The following COL4A6 variants were observed in gnomAD, a reference collection of about 807,000 sequenced individuals.
The protein encoded by COL4A6 is collagen alpha-6(IV) chain.
In COL4A6, 59 loss-of-function variants were observed where a neutral mutation model predicts 126.7. That is an observed-to-expected ratio of 0.47 (90% confidence interval 0.38 to 0.58). The LOEUF (loss-of-function observed/expected upper bound fraction) is 0.58, where lower values mean the gene tolerates loss of function less well. COL4A6 is among the 20% of genes least tolerant of loss of function. COL4A6 has a pLI of 0.00. For missense variants in COL4A6, 1,285 were observed against 1,337.3 expected (o/e 0.96, Z 0.61); for synonymous variants, 547 against 496.6 (o/e 1.10, Z -1.35).
intron 2 of COL4A6, among the ~76,000 whole-genome samples, chrX:108,435,340 T>G (rs1283017348): frequency 8.9e-6 from 1 of 112,018 alleles, no homozygotes; most frequent in Non-Finnish European, 1.9e-5. Context: ...GATGGTGAGA[T>G]TTGTATCTTT....
intron 2 of COL4A6, among the ~76,000 whole-genome samples, chrX:108,366,344 CA>C (rs1410971520): frequency 1.8e-5 from 2 of 111,982 alleles, no homozygotes; most frequent in African/African-American, 6.5e-5. Flanking sequence ...ACTACCACTG[CA>C]AAGTGATTTT....
chrX:108,367,033 G>A (rs773781106), intron 2 of COL4A6, among the ~76,000 whole-genome samples: 1 of 112,118 alleles, frequency 8.9e-6, no homozygotes, highest in Admixed American at 9.5e-5. Context: ...GAAGCTCTAC[G>A]GAACTCAGAT....
chrX:108,179,920 C>T (rs965567441), intron 25 of COL4A6, among the ~76,000 whole-genome samples: 9 of 108,413 alleles, frequency 8.3e-5, no homozygotes, highest in Admixed American at 5.0e-4. Context: ...AGCAGATTAC[C>T]GGGCCCATCC....
intron 2 of COL4A6, among the ~76,000 whole-genome samples, chrX:108,354,646 A>G (rs2039920065): frequency 1.2e-5 from 1 of 85,989 alleles, no homozygotes; most frequent in Non-Finnish European, 2.1e-5. Context: ...GGCCTTTACC[A>G]GGTAGCAAGG....
At chrX:108,281,476 C>G (rs1380601123) in intron 3 of COL4A6, among the ~76,000 whole-genome samples, 1 of 103,075 alleles carries the variant, frequency 9.7e-6, no homozygotes, top group Non-Finnish European at 2.0e-5. Flanking sequence ...CTACAAACCA[C>G]TGCTCAAGGA....
At chrX:108,357,704 C>T (rs1198847287) in intron 2 of COL4A6, among the ~76,000 whole-genome samples, 1 of 110,962 alleles carries the variant, frequency 9.0e-6, no homozygotes, top group Non-Finnish European at 1.9e-5. Context: ...CTTTTGTGTA[C>T]GATATTACTT....
intron 2 of COL4A6, among the ~76,000 whole-genome samples, chrX:108,407,136 G>T (rs777935930): frequency 1.8e-5 from 2 of 112,149 alleles, no homozygotes; most frequent in Non-Finnish European, 3.8e-5. Context: ...GTAATAGAAC[G>T]GCTTTGTTAT....
chrX:108,296,213 G>A (rs2038321897), intron 3 of COL4A6, among the ~76,000 whole-genome samples: 1 of 112,372 alleles, frequency 8.9e-6, no homozygotes, highest in Non-Finnish European at 1.9e-5. Context: ...CCAGTACTGT[G>A]AGAAAAGTGA....
intron 2 of COL4A6, among the ~76,000 whole-genome samples, chrX:108,371,175 T>C (rs748805839): frequency 4.5e-5 from 5 of 110,589 alleles, no homozygotes; most frequent in African/African-American, 9.9e-5. Flanking sequence ...GTCTGTCTTA[T>C]TGATTTCCTT....
Position 108,261,446 on chromosome X carries a change from C to T in COL4A6, c.145-40072G>A, listed in dbSNP as rs182092561. Among the ~76,000 whole-genome samples the T allele has an allele frequency of 2.9e-4, 32 of 111,527 alleles. No individual in the cohort carries two copies. The East Asian group carries it at 8.5e-3, about 30-fold the overall frequency. ...CTTAAAAATTTGAATTCATCTCTCTCATTTTATAGATGAGGAAAATGGGGC... is the reference window on the plus strand; with the variant it reads ...CTTAAAAATTTGAATTCATCTCTCTTATTTTATAGATGAGGAAAATGGGGC... On this transcript the variant is annotated intron_variant, in intron 3 of 44. Coordinates refer to ENST00000334504, the MANE Select transcript of COL4A6 (RefSeq NM_033641.4).
Position 108,162,899 on chromosome X carries a change from G to A in COL4A6, c.4209C>T (p.Gly1403=). 8.5e-7 allele frequency: 1 copy of A among 1,178,053 alleles called. No individual in the cohort carries two copies. Among genetic ancestry groups the A allele is most frequent in the Non-Finnish European group, 1.1e-6 (1 of 881,534 alleles). The change falls in exon 41 of 45, where the codon GGC becomes GGT. Residue 1403 remains glycine, a synonymous_variant. Coordinates refer to ENST00000334504, the MANE Select transcript of COL4A6 (RefSeq NM_033641.4). The part of the protein sequence containing the change: ...TGDPGAQGPV[G]LQGSKGLPGI... ...TTCTGGCACCCTCCTCACCTTGTAG[G>A]CCTACAGGGCCTTGAGCCCCAGGGT...
At position 108,436,017 on chromosome X, in the gene COL4A6, G is replaced by A. The variant is rs772885749; in HGVS notation, c.63+1925C>T. Among the ~76,000 whole-genome samples the A allele has an allele frequency of 2.7e-5, 3 of 111,595 alleles. No homozygotes were observed. In the South Asian group the frequency reaches 1.1e-3, roughly 42 times the overall value. On this transcript the variant is annotated intron_variant, in intron 2 of 44. Coordinates refer to ENST00000334504, the MANE Select transcript of COL4A6 (RefSeq NM_033641.4). ...TATAGATAAGAATCCCGTGCAAAGA[G>A]TGTAAAAGAAAAACAAAACAACCCT...
chrX:108,437,729 C>G (rs976153146), intron 2 of COL4A6, among the ~76,000 whole-genome samples: 16 of 111,486 alleles, frequency 1.4e-4, no homozygotes, highest in African/African-American at 5.2e-4. Flanking sequence ...CAACCCGTTA[C>G]GAAGTTTTGG....
intron 2 of COL4A6, among the ~76,000 whole-genome samples, chrX:108,422,088 A>G (rs1211197604): frequency 2.7e-5 from 3 of 112,353 alleles, no homozygotes; most frequent in Non-Finnish European, 5.6e-5. Context: ...TATAAAAAAC[A>G]AAACGGGCCT....
chrX:108,173,289 C>T (rs1182179739), intron 31 of COL4A6, among the ~76,000 whole-genome samples: 3 of 112,156 alleles, frequency 2.7e-5, no homozygotes, highest in Admixed American at 1.9e-4. Flanking sequence ...ACCCCTCCAT[C>T]GTGGCTGCTT....
At chrX:108,190,652 T>A (rs974931211) in intron 19 of COL4A6, among the ~76,000 whole-genome samples, 156 bp from the exon 20 acceptor site, 2 of 111,806 alleles carry the variant, frequency 1.8e-5, no homozygotes, top group African/African-American at 6.5e-5. Context: ...ACCCCAAATC[T>A]GCAGCAAGGA....
At chrX:108,320,869 T>C (rs1173953157) in intron 2 of COL4A6, among the ~76,000 whole-genome samples, 1 of 111,999 alleles carries the variant, frequency 8.9e-6, no homozygotes, top group Non-Finnish European at 1.9e-5. Flanking sequence ...ATAGATATTT[T>C]AGATGTATGT....
intron 3 of COL4A6, among the ~76,000 whole-genome samples, chrX:108,298,141 A>G (rs991455088): frequency 1.8e-5 from 2 of 111,362 alleles, no homozygotes; most frequent in African/African-American, 6.5e-5. Context: ...CTGTGAGTCT[A>G]GCGCTCTCCC....
chrX:108,201,587 T>C (rs1454997554), intron 13 of COL4A6, among the ~76,000 whole-genome samples: 1 of 112,142 alleles, frequency 8.9e-6, no homozygotes, highest in African/African-American at 3.2e-5. Flanking sequence ...TTGCTTCAGA[T>C]TGGCCATAAA....
Sources: gnomAD v4.1 joint callset for allele counts (sites outside exome capture counted in the v4.1 genomes callset) on GRCh38, gnomAD v4.1.1 for gene constraint, MANE v1.5 for transcripts, NCBI Gene and HGNC (gene_info 2026-07-23, HGNC 2026-07-21) for gene names.